The following KRT17 variants were observed in gnomAD, a reference collection of about 807,000 sequenced individuals.
KRT17 encodes the protein keratin 17.
A neutral mutation model predicts 45.6 loss-of-function variants in KRT17; 29 were observed. The ratio of observed to expected loss-of-function variants is 0.64; its 90% CI spans 0.47 to 0.87. The LOEUF (loss-of-function observed/expected upper bound fraction) is 0.87. KRT17 is among the 40% of genes least tolerant of loss of function. KRT17 has a pLI of 0.00. For missense variants in KRT17, 536 were observed against 577.8 expected (o/e 0.93, Z 0.74); for synonymous variants, 219 against 234.6 (o/e 0.93, Z 0.61).
intron 1 of KRT17, among the ~76,000 whole-genome samples, chr17:41,623,814 A>G (rs1287545965): frequency 6.6e-6 from 1 of 152,074 alleles, no homozygotes; most frequent in African/African-American, 2.4e-5. Context: ...CAACCTCTCC[A>G]GGTGGCGGAG....
chr17:41,622,387 C>T lies in KRT17; in HGVS notation c.640G>A (p.Glu214Lys), dbSNP rs765436670. 1.2e-6 allele frequency: 2 copies of T among 1,613,914 alleles called. No homozygotes were observed. The highest frequency in any genetic ancestry group is 1.7e-5 in the Admixed American group (1 of 60,034). The part of the protein sequence containing the change: ...LEMQIENLKE[E>K]LAYLKKNHEE... ...TGGTTCTTCTTCAGGTAGGCCAGCT[C>T]CTCCTTGAGGTTCTCAATCTGCATC... is the stretch of plus-strand genomic sequence containing the variant. The change falls in exon 3 of 8, where the codon GAG (glutamate) becomes AAG (lysine). Residue 214 changes from glutamate to lysine, a missense_variant. By Grantham distance (56) the Glu-to-Lys change is moderately conservative. Coordinates refer to ENST00000311208, the MANE Select transcript of KRT17 (RefSeq NM_000422.3).
chr17:41,619,971 A>G (rs1275514904), intron 7 of KRT17: 1 of 984,850 alleles, frequency 1.0e-6, no homozygotes, highest in Non-Finnish European at 1.2e-6. Flanking sequence ...AGCCATGTAG[A>G]CTCCATGAAA....
chr17:41,623,852 A>AG (rs1429919342), intron 1 of KRT17, among the ~76,000 whole-genome samples: 1 of 152,202 alleles, frequency 6.6e-6, no homozygotes, highest in African/African-American at 2.4e-5. Context: ...TGAGGCTCCA[A>AG]GGGGCTCCAC....
rs200841795 is a variant in KRT17, at chr17:41,624,331, C to A, written c.179G>T (p.Cys60Phe). Residue 60 changes from cysteine (C) to phenylalanine (F), a missense_variant, in exon 1 of 8, where the codon TGC becomes TTC. Coordinates refer to ENST00000311208, the MANE Select transcript of KRT17 (RefSeq NM_000422.3). ...GCCACCACCAGAGCCAAAGCTGTAG[C>A]AGCTGGAGTAGCTGCTACCCCCGAG... ...STLGGSSYSS[C>F]YSFGSGGGYG... The A allele has an allele frequency of 6.2e-7, 1 of 1,611,998 alleles. No individual in the cohort carries two copies.
chr17:41,620,617 G>A, intron 6 of KRT17, 42 bp downstream of exon 6: 1 of 1,609,256 alleles, frequency 6.2e-7, no homozygotes, highest in Non-Finnish European at 8.5e-7. Context: ...CCCCACCCCT[G>A]CCAAGAGACC....
chr17:41,624,128 C>T lies in KRT17; in HGVS notation c.382G>A (p.Ala128Thr), dbSNP rs541698783. Residue 128 changes from alanine (A) to threonine (T), a missense_variant, in exon 1 of 8, where the codon GCC becomes ACC. Coordinates refer to ENST00000311208, the MANE Select transcript of KRT17 (RefSeq NM_000422.3). ...CTGTAGTACTGGCTGTAGTCACGGG[C>T]GGGCCCCGGGGCCTGCCTCTGGTAC... is the stretch of plus-strand genomic sequence containing the variant. ...DWYQRQAPGP[A>T]RDYSQYYRTI... 1.5e-5 allele frequency: 24 copies of T among 1,612,080 alleles called. No homozygotes were observed. Among genetic ancestry groups the T allele is most frequent in the South Asian group, 7.7e-5 (7 of 90,996 alleles).
chr17:41,620,936 G>A (rs1187257178), intron 5 of KRT17, 30 bp downstream of exon 5: 1 of 1,614,040 alleles, frequency 6.2e-7, no homozygotes, highest in Non-Finnish European at 8.5e-7. Flanking sequence ...CCTCTTCTGG[G>A]CCCTCCCCCA....
In KRT17 at chr17:41,620,528, A is replaced by T. The variant is rs1227678934; in HGVS notation, c.1204+8T>A. On this transcript the variant is annotated splice_region_variant and intron_variant, in intron 7 of 7. Transcript: ENST00000311208. The stretch of plus-strand genomic sequence containing the variant: ...AACCCCCAGGGCCGAAGCCACGCAG[A>T]TACTTACGTTCTTTCTTGTACTGAG... 1.9e-6 allele frequency: 3 copies of T among 1,611,654 alleles called. No individual in the cohort carries two copies. Among genetic ancestry groups the T allele is most frequent in the Non-Finnish European group, 1.7e-6 (2 of 1,179,780 alleles).
Position 41,619,477 on chromosome 17 carries a change from G to A in KRT17, c.*117C>T. On this transcript the variant is annotated 3_prime_UTR_variant, in exon 8 of 8. Transcript: ENST00000311208. Reference sequence around the variant, plus strand: ...AACAAGCTTTATTGTCATCAGGCAAGGAAGCATGGGGAAGGGACTGAAGCA... The same window carrying A: ...AACAAGCTTTATTGTCATCAGGCAAAGAAGCATGGGGAAGGGACTGAAGCA... The A allele has an allele frequency of 6.4e-7, 1 of 1,569,672 alleles. No individual in the cohort carries two copies. Among genetic ancestry groups the A allele is most frequent in the African/African-American group, 1.3e-5 (1 of 74,186 alleles).
intron 1 of KRT17, among the ~76,000 whole-genome samples, chr17:41,623,585 C>T (rs1375418500): frequency 6.6e-6 from 1 of 152,128 alleles, no homozygotes; most frequent in African/African-American, 2.4e-5. Context: ...CAGAAAAATC[C>T]CCAAATAAGG....
chr17:41,623,124 C>T, intron 1 of KRT17, 92 bp from the exon 2 acceptor site: 1 of 973,948 alleles, frequency 1.0e-6, no homozygotes, highest in African/African-American at 1.6e-5. Flanking sequence ...CAGGGCCTCT[C>T]TTCTCGCCCA....
At chr17:41,622,632 C>T (rs1292352786) in intron 2 of KRT17, 121 bp from the exon 3 acceptor site, 3 of 1,178,684 alleles carry the variant, frequency 2.5e-6, no homozygotes, top group African/African-American at 3.0e-5. Flanking sequence ...ATGAGAGGGT[C>T]GAGTGGAAAC....
rs1418659604 is a variant in KRT17 at position 41,624,309 on chromosome 17, A to T, written c.201T>A (p.Gly67=). The T allele has an allele frequency of 6.2e-7, 1 of 1,612,098 alleles. No homozygotes were observed. Among genetic ancestry groups the T allele is most frequent in the South Asian group, 1.1e-5 (1 of 90,982 alleles). The change falls in exon 1 of 8, where the codon GGT becomes GGA. Residue 67 remains glycine (G), a synonymous_variant. Coordinates refer to ENST00000311208, the MANE Select transcript of KRT17 (RefSeq NM_000422.3). The part of the protein sequence containing the change: ...YSSCYSFGSG[G]GYGSSFGGVD... Reference sequence around the variant, plus strand: ...CACCCCCAAAGCTGCTGCCATAGCCACCACCAGAGCCAAAGCTGTAGCAGC... The same window carrying T: ...CACCCCCAAAGCTGCTGCCATAGCCTCCACCAGAGCCAAAGCTGTAGCAGC...
chr17:41,622,600 C>A, intron 2 of KRT17, 89 bp from the exon 3 acceptor site: 1 of 1,503,890 alleles, frequency 6.6e-7, no homozygotes, highest in Non-Finnish European at 9.2e-7. Context: ...TTTGCCAGGA[C>A]TCTAAGGAGT....
At chr17:41,623,816 G>C (rs570064849) in intron 1 of KRT17, among the ~76,000 whole-genome samples, 45 of 152,266 alleles carry the variant, frequency 3.0e-4, no homozygotes, top group African/African-American at 1.1e-3. Flanking sequence ...ACCTCTCCAG[G>C]TGGCGGAGCT....
chr17:41,623,230 A>G, intron 1 of KRT17, 198 bp from the exon 2 acceptor site: 1 of 555,606 alleles, frequency 1.8e-6, no homozygotes, highest in South Asian at 1.9e-5. Flanking sequence ...GATACTCAGT[A>G]CCCCACCAGA....
intron 1 of KRT17, among the ~76,000 whole-genome samples, chr17:41,623,509 C>T (rs1908618308): frequency 6.6e-6 from 1 of 152,192 alleles, no homozygotes; most frequent in Non-Finnish European, 1.5e-5. Flanking sequence ...TGGGCGCCAG[C>T]CAGCAGCCCC....
intron 7 of KRT17, chr17:41,619,994 T>A: frequency 1.0e-6 from 1 of 985,378 alleles, no homozygotes; most frequent in South Asian, 4.7e-5. Context: ...CGTCTCCATT[T>A]CTCTGCAGTC....
chr17:41,624,401 C>T lies in KRT17; in HGVS notation c.109G>A (p.Ala37Thr). The change falls in exon 1 of 8, where the codon GCC becomes ACC. Residue 37 changes from alanine to threonine, a missense_variant. Transcript: ENST00000311208. ...GCAGATCCCAGCCTGCAGGAGCCGGCACCCAGGCCGCCAGACAGCCGGCAG... is the reference window on the plus strand; with the variant it reads ...GCAGATCCCAGCCTGCAGGAGCCGGTACCCAGGCCGCCAGACAGCCGGCAG... ...TSCRLSGGLGAGSCRLGSAGG... is the reference protein window; with the variant it reads ...TSCRLSGGLGTGSCRLGSAGG... The T allele has an allele frequency of 1.2e-6, 2 of 1,610,450 alleles. No individual in the cohort carries two copies.
Sources: allele counts gnomAD v4.1 joint callset (sites outside exome capture counted in the v4.1 genomes callset), GRCh38; gene constraint gnomAD v4.1.1; transcripts MANE v1.5; gene names NCBI Gene and HGNC (gene_info 2026-07-23, HGNC 2026-07-21).